The following EYS variants were observed in gnomAD, a reference collection of about 807,000 sequenced individuals.
EYS encodes the protein protein eyes shut homolog.
Under a neutral mutation model 282.1 loss-of-function variants are expected in EYS, and 250 were observed. The observed-to-expected ratio is 0.89, with a 90% CI of 0.80 to 0.98. EYS has a LOEUF of 0.98. Among genes scored for constraint, EYS ranks in the 50% least tolerant of loss-of-function variants. The pLI is 0.00. For missense variants in EYS, 4,016 were observed against 3,709.0 expected (o/e 1.08, Z -2.15); for synonymous variants, 1,355 against 1,282.9 (o/e 1.06, Z -1.20).
At chr6:64,496,231 A>ATTT (rs1430112617) in intron 26 of EYS, among the ~76,000 whole-genome samples, 4 of 151,948 alleles carry the variant, frequency 2.6e-5, no homozygotes, top group Admixed American at 2.6e-4. Flanking sequence ...TTAAGTAGGA[A>ATTT]ACTTTGATTT....
At chr6:65,651,256 TA>T (rs1767641302) in intron 1 of EYS, among the ~76,000 whole-genome samples, 1 of 151,986 alleles carries the variant, frequency 6.6e-6, no homozygotes, top group African/African-American at 2.4e-5. Flanking sequence ...AGGAACTGTT[TA>T]AATTTTTAGA....
intron 16 of EYS, among the ~76,000 whole-genome samples, chr6:64,910,829 G>T (rs1021059083): frequency 6.6e-6 from 1 of 152,056 alleles, no homozygotes; most frequent in African/African-American, 2.4e-5. Flanking sequence ...TTTATTAAAT[G>T]CACTTATAAA....
chr6:64,156,901 TTTA>T (rs963082225), intron 31 of EYS, among the ~76,000 whole-genome samples: 7 of 152,002 alleles, frequency 4.6e-5, no homozygotes, highest in South Asian at 2.1e-4. Context: ...AATTTATTTT[TTTA>T]TTATTATACT....
chr6:64,031,480 C>T (rs559834695), intron 33 of EYS, among the ~76,000 whole-genome samples: 48 of 152,352 alleles, frequency 3.2e-4, no homozygotes, highest in African/African-American at 1.1e-3. Context: ...CACGCAGTCC[C>T]ATCGACCACC....
intron 11 of EYS, chr6:65,331,013 G>C: frequency 1.0e-6 from 1 of 984,146 alleles, no homozygotes; most frequent in Non-Finnish European, 1.2e-6. Context: ...GCTCTCTGTT[G>C]ACCCATTATT....
chr6:65,133,386 C>T (rs776695830), intron 12 of EYS, among the ~76,000 whole-genome samples: 2 of 151,846 alleles, frequency 1.3e-5, no homozygotes, highest in African/African-American at 4.8e-5. Flanking sequence ...TACTACAGGG[C>T]AACAGTAAAT....
intron 35 of EYS, among the ~76,000 whole-genome samples, chr6:63,976,106 G>T (rs958309141): frequency 5.3e-5 from 8 of 151,974 alleles, no homozygotes; most frequent in Admixed American, 4.6e-4. Context: ...TAAAAGACAA[G>T]AAAAATGGTA....
chr6:65,358,498 A>T (rs1241079997), intron 8 of EYS, among the ~76,000 whole-genome samples: 1 of 151,820 alleles, frequency 6.6e-6, no homozygotes, highest in African/African-American at 2.4e-5. Flanking sequence ...TTGATTATAA[A>T]CTCAAAGCTT....
intron 12 of EYS, among the ~76,000 whole-genome samples, chr6:65,139,461 A>C (rs1764268562): frequency 6.6e-6 from 1 of 152,086 alleles, no homozygotes; most frequent in African/African-American, 2.4e-5. Context: ...GAGGGTAACA[A>C]TCAAAAACCT....
chr6:64,649,007 T>C (rs1768456609), intron 22 of EYS, among the ~76,000 whole-genome samples: 1 of 152,154 alleles, frequency 6.6e-6, no homozygotes, highest in Non-Finnish European at 1.5e-5. Context: ...CTTGTGTGTG[T>C]ATGTGTATAC....
chr6:65,188,150 A>G (rs888901936), intron 12 of EYS, among the ~76,000 whole-genome samples: 2 of 151,644 alleles, frequency 1.3e-5, no homozygotes, highest in African/African-American at 4.8e-5. Flanking sequence ...TAGAAACACA[A>G]TGGAAGTTAT....
At chr6:64,117,029 A>C (rs567091182) in intron 31 of EYS, among the ~76,000 whole-genome samples, 2 of 152,240 alleles carry the variant, frequency 1.3e-5, no homozygotes, top group African/African-American at 4.8e-5. Flanking sequence ...AAAATCAATA[A>C]GGAAAAGTCA....
chr6:64,051,059 G>A (rs1186050985), intron 33 of EYS, among the ~76,000 whole-genome samples: 3 of 152,158 alleles, frequency 2.0e-5, no homozygotes, highest in African/African-American at 7.2e-5. Context: ...AATGATGAAT[G>A]TAGGGAATAG....
rs541549873 is a variant in EYS, at chr6:64,374,742, T to C, written c.6078+13948A>G. ...TCGTCTCCCATCTTAGCTTATGCTT[T>C]TATGTTTGGGAGAAATCTAGTACCC... On this transcript the variant is annotated intron_variant, in intron 29 of 42. Coordinates refer to ENST00000503581, the MANE Select transcript of EYS (RefSeq NM_001142800.2). Among the ~76,000 whole-genome samples, 5 of 152,286 alleles carry C rather than the reference T, an allele frequency of 3.3e-5. No individual in the cohort carries two copies. The South Asian group carries it at 1.0e-3, about 32-fold the overall frequency.
intron 5 of EYS, among the ~76,000 whole-genome samples, chr6:65,441,057 GATTA>G (rs978696692): frequency 1.8e-4 from 26 of 145,960 alleles, no homozygotes; most frequent in African/African-American, 3.6e-4. Flanking sequence ...AAAATAATAA[GATTA>G]ATTAATTAAA....
intron 35 of EYS, among the ~76,000 whole-genome samples, chr6:63,952,534 C>T (rs937451682): frequency 6.6e-6 from 1 of 152,146 alleles, no homozygotes. Flanking sequence ...TATTGATGGC[C>T]AGGCTTCTAA....
intron 2 of EYS, among the ~76,000 whole-genome samples, chr6:65,624,610 A>T (rs34967263): frequency 6.6e-6 from 1 of 152,062 alleles, no homozygotes; most frequent in African/African-American, 2.4e-5. Flanking sequence ...CCCACCCTCA[A>T]TCTGGGTGGG....
chr6:64,211,834 G>A (rs958211053), intron 31 of EYS, among the ~76,000 whole-genome samples: 1 of 151,580 alleles, frequency 6.6e-6, no homozygotes, highest in African/African-American at 2.4e-5. Context: ...AATATAGTTT[G>A]GCCAGGTACG....
rs2149831899 is a variant in EYS at position 64,591,163 on chromosome 6, A to G, written c.4704T>C (p.Arg1568=). ...TATGCAAAACTTGATCTGAGAATTCACGAGAGGATTTTATTTCAGTCATAG... is the reference window on the plus strand; with the variant it reads ...TATGCAAAACTTGATCTGAGAATTCGCGAGAGGATTTTATTTCAGTCATAG... The part of the protein sequence containing the change: ...TCSMTEIKSS[R]EFSDQVLHSK... The change falls in exon 26 of 43, where the codon CGT becomes CGC. Residue 1568 remains arginine, a synonymous_variant. Transcript: ENST00000503581. 4 of 1,551,368 alleles carry G rather than the reference A, an allele frequency of 2.6e-6. No individual in the cohort carries two copies. Among genetic ancestry groups the G allele is most frequent in the Non-Finnish European group, 2.6e-6 (3 of 1,146,770 alleles).
Sources: allele counts gnomAD v4.1 joint callset (sites outside exome capture counted in the v4.1 genomes callset), GRCh38; gene constraint gnomAD v4.1.1; transcripts MANE v1.5; gene names NCBI Gene and HGNC (gene_info 2026-07-23, HGNC 2026-07-21).